HCRTR2: variants seen among roughly 807,000 people sequenced by gnomAD.
HCRTR2 encodes the protein orexin receptor type 2.
A neutral mutation model predicts 49.0 loss-of-function variants in HCRTR2; 22 were observed. The ratio of observed to expected loss-of-function variants is 0.45; its 90% CI spans 0.32 to 0.64. The LOEUF (loss-of-function observed/expected upper bound fraction) is 0.64. Ranked by LOEUF, HCRTR2 falls within the 30% of genes least tolerant of loss-of-function variation. The pLI, the probability that HCRTR2 is intolerant of heterozygous loss-of-function variation, is 0.04. For synonymous variants in HCRTR2, 236 were observed against 205.3 expected (o/e 1.15, Z -1.28); for missense variants, 491 against 559.4 (o/e 0.88, Z 1.23).
At chr6:55,111,757 C>A (rs890070220) in intron 1 of HCRTR2, among the ~76,000 whole-genome samples, 7 of 151,664 alleles carry the variant, frequency 4.6e-5, no homozygotes, top group Non-Finnish European at 8.9e-5. Flanking sequence ...TGATACTATT[C>A]CAAAAGATAG....
intron 1 of HCRTR2, among the ~76,000 whole-genome samples, chr6:55,185,393 G>T (rs781158929): frequency 6.6e-6 from 1 of 152,134 alleles, no homozygotes; most frequent in African/African-American, 2.4e-5. Context: ...AGACGTATGT[G>T]TTATTTTTTC....
At position 55,282,347 on chromosome 6, in the gene HCRTR2, C is replaced by G; in HGVS notation, c.1228C>G (p.Gln410Glu). The change falls in exon 7 of 7, where the codon CAA (glutamine) becomes GAA (glutamate). Residue 410 changes from glutamine (Q) to glutamate (E), a missense_variant. Gln to Glu is a conservative substitution (Grantham distance 29). Transcript: ENST00000370862. ...AGAGAGCCGGAAGTCCTTGACCACT[C>G]AAATCAGCAACTTTGATAACATATC... ...STESRKSLTT[Q>E]ISNFDNISKL... is the part of the protein sequence containing the mutation. 1 of 1,613,554 alleles carries G rather than the reference C, an allele frequency of 6.2e-7. No individual in the cohort carries two copies. The highest frequency in any genetic ancestry group is 1.1e-5 in the South Asian group (1 of 91,070).
At chr6:55,179,583 T>C (rs1410579338) in intron 1 of HCRTR2, among the ~76,000 whole-genome samples, 1 of 152,194 alleles carries the variant, frequency 6.6e-6, no homozygotes, top group Non-Finnish European at 1.5e-5. Context: ...ATAATGAGAA[T>C]AACATGTGCA....
chr6:55,128,234 G>T (rs1468606640), intron 1 of HCRTR2, among the ~76,000 whole-genome samples: 1 of 151,962 alleles, frequency 6.6e-6, no homozygotes, highest in Non-Finnish European at 1.5e-5. Context: ...TTAGTTGTAG[G>T]TGTATGGTCT....
chr6:55,208,089 C>A (rs1366824862), intron 1 of HCRTR2, among the ~76,000 whole-genome samples: 1 of 151,968 alleles, frequency 6.6e-6, no homozygotes, highest in African/African-American at 2.4e-5. Context: ...GATTGTTACC[C>A]TAATGAGGTG....
chr6:55,232,902 A>G (rs886504846), intron 1 of HCRTR2, among the ~76,000 whole-genome samples: 4 of 152,176 alleles, frequency 2.6e-5, no homozygotes, highest in Non-Finnish European at 4.4e-5. Flanking sequence ...CTTTACCTCT[A>G]TATTATCTGT....
chr6:55,186,106 T>G (rs940136730), intron 1 of HCRTR2, among the ~76,000 whole-genome samples: 4 of 152,220 alleles, frequency 2.6e-5, no homozygotes, highest in Non-Finnish European at 4.4e-5. Flanking sequence ...TTTTCTGTTG[T>G]CTCCCTTAAG....
intron 1 of HCRTR2, among the ~76,000 whole-genome samples, chr6:55,122,652 A>G (rs1455585684): frequency 6.6e-6 from 1 of 152,078 alleles, no homozygotes; most frequent in Admixed American, 6.6e-5. Context: ...ATGCTGCTAT[A>G]AGGACACATG....
chr6:55,201,635 G>T (rs970497304), intron 1 of HCRTR2, among the ~76,000 whole-genome samples: 3 of 152,094 alleles, frequency 2.0e-5, no homozygotes, highest in African/African-American at 7.2e-5. Context: ...TTTACTAGTG[G>T]TGGAAAAGGT....
chr6:55,229,933 T>C (rs910128666), intron 1 of HCRTR2, among the ~76,000 whole-genome samples: 9 of 152,246 alleles, frequency 5.9e-5, no homozygotes, highest in Non-Finnish European at 1.2e-4. Context: ...AAATGAAATA[T>C]ACAGCAGGCT....
intron 1 of HCRTR2, among the ~76,000 whole-genome samples, chr6:55,183,010 T>G (rs1383412572): frequency 6.6e-6 from 1 of 152,218 alleles, no homozygotes; most frequent in East Asian, 1.9e-4. Context: ...GATATATCGT[T>G]GCGATTTGGG....
Position 55,133,383 on chromosome 6 carries a change from AC to A in HCRTR2, c.-378+26839del, listed in dbSNP as rs200846695. ...AGAGATCATATACACATACACACAC[AC>A]AAAAAAACACACACACACACACATC... On this transcript the variant is annotated intron_variant, in intron 1 of 7. Coordinates refer to the HCRTR2 transcript ENST00000615358. 4.9e-3 allele frequency among the ~76,000 whole-genome samples: 503 copies of A among 101,640 alleles called. 6 individuals carry two copies. The highest frequency in any genetic ancestry group is 0.016 in the African/African-American group (475 of 29,466). 66.7% of individuals were successfully genotyped at this position (101,640 alleles called of 152,430 possible).
intron 1 of HCRTR2, among the ~76,000 whole-genome samples, chr6:55,114,014 T>C (rs938948677): frequency 6.6e-6 from 1 of 151,910 alleles, no homozygotes; most frequent in African/African-American, 2.4e-5. Flanking sequence ...TCGGAGACCA[T>C]TATTTTAAGT....
intron 1 of HCRTR2, among the ~76,000 whole-genome samples, chr6:55,187,886 C>T (rs1765252045): frequency 6.6e-6 from 1 of 152,134 alleles, no homozygotes; most frequent in African/African-American, 2.4e-5. Context: ...ACACCATTCT[C>T]CAGCCTCAGC....
intron 1 of HCRTR2, among the ~76,000 whole-genome samples, chr6:55,168,816 C>A (rs1047997721): frequency 6.6e-6 from 1 of 152,018 alleles, no homozygotes; most frequent in African/African-American, 2.4e-5. Context: ...ATAAAATCTT[C>A]CTCCTAGATT....
chr6:55,189,506 G>T (rs1467860359), intron 1 of HCRTR2, among the ~76,000 whole-genome samples: 1 of 152,154 alleles, frequency 6.6e-6, no homozygotes, highest in Non-Finnish European at 1.5e-5. Flanking sequence ...GCCAAAGAAA[G>T]TACAGTGGCT....
intron 1 of HCRTR2, among the ~76,000 whole-genome samples, chr6:55,213,496 C>T (rs1562009181): frequency 6.6e-6 from 1 of 151,986 alleles, no homozygotes; most frequent in African/African-American, 2.4e-5. Flanking sequence ...TCAAAAATGA[C>T]AAATGGAAAA....
intron 1 of HCRTR2, among the ~76,000 whole-genome samples, chr6:55,155,847 T>C (rs1764723801): frequency 6.6e-6 from 1 of 152,022 alleles, no homozygotes; most frequent in Non-Finnish European, 1.5e-5. Flanking sequence ...GTTTGATTCA[T>C]CTTATCTATA....
chr6:55,109,353 T>C (rs1764018262), intron 1 of HCRTR2, among the ~76,000 whole-genome samples: 1 of 152,080 alleles, frequency 6.6e-6, no homozygotes, highest in East Asian at 1.9e-4. Context: ...TCACCAGCAA[T>C]TGATTTAAAC....
Sources: allele counts gnomAD v4.1 joint callset (sites outside exome capture counted in the v4.1 genomes callset), GRCh38; gene constraint gnomAD v4.1.1; transcripts MANE v1.5; gene names NCBI Gene and HGNC (gene_info 2026-07-23, HGNC 2026-07-21).